Variants in MICU2 observed in about 807,000 individuals in gnomAD.
The protein encoded by MICU2 is mitochondrial calcium uptake 2.
A neutral mutation model predicts 60.4 loss-of-function variants in MICU2; 64 were observed. The observed-to-expected ratio is 1.06, with a 90% CI of 0.87 to 1.31. The LOEUF (loss-of-function observed/expected upper bound fraction) is 1.31, where lower values mean the gene tolerates loss of function less well. Among genes scored for constraint, MICU2 ranks in the 50% most tolerant of loss-of-function variants. The pLI is 0.00. For synonymous variants in MICU2, 201 were observed against 175.0 expected (o/e 1.15, Z -1.17); for missense variants, 569 against 531.0 (o/e 1.07, Z -0.70).
At chr13:21,565,104 C>A (rs1358809207) in intron 2 of MICU2, among the ~76,000 whole-genome samples, 2 of 152,160 alleles carry the variant, frequency 1.3e-5, no homozygotes, top group African/African-American at 4.8e-5. Flanking sequence ...CTGTTAGAGG[C>A]TAAACTACTT....
intron 1 of MICU2, among the ~76,000 whole-genome samples, chr13:21,574,118 A>C (rs1002482895): frequency 6.6e-6 from 1 of 152,212 alleles, no homozygotes; most frequent in Non-Finnish European, 1.5e-5. Flanking sequence ...TATGGAATGC[A>C]GTGGTGGAGA....
chr13:21,602,520 C>CA (rs141504099), intron 1 of MICU2, among the ~76,000 whole-genome samples: 29,191 of 150,924 alleles, frequency 0.19, 3,773 homozygotes, highest in African/African-American at 0.36. Context: ...AGACTCCTCT[C>CA]AAAAAAAACA....
intron 1 of MICU2, among the ~76,000 whole-genome samples, chr13:21,596,425 G>A (rs1313757383): frequency 2.1e-5 from 3 of 144,684 alleles, no homozygotes; most frequent in Non-Finnish European, 4.7e-5. Flanking sequence ...GCCACATTCA[G>A]GTTCTTTTTT....
chr13:21,602,318 C>G (rs1419999852), intron 1 of MICU2, among the ~76,000 whole-genome samples: 1 of 151,924 alleles, frequency 6.6e-6, no homozygotes, highest in African/African-American at 2.4e-5. Context: ...GTCAGGAGAT[C>G]GAGACCATCC....
chr13:21,510,286 T>C (rs1268375248), intron 7 of MICU2, among the ~76,000 whole-genome samples, 185 bp from the exon 8 acceptor site: 1 of 152,178 alleles, frequency 6.6e-6, no homozygotes, highest in Non-Finnish European at 1.5e-5. Flanking sequence ...TCCATAACCA[T>C]CGTTGTTCAA....
chr13:21,544,062 G>C (rs1887348604), intron 2 of MICU2, among the ~76,000 whole-genome samples: 1 of 152,128 alleles, frequency 6.6e-6, no homozygotes, highest in African/African-American at 2.4e-5. Context: ...AAGTTGAGGA[G>C]AGAACACTCT....
chr13:21,597,546 A>G (rs1888720360), intron 1 of MICU2, among the ~76,000 whole-genome samples: 1 of 152,212 alleles, frequency 6.6e-6, no homozygotes, highest in East Asian at 1.9e-4. Context: ...ACATTATGTG[A>G]CTGCGATTAT....
intron 1 of MICU2, among the ~76,000 whole-genome samples, chr13:21,583,182 G>T (rs1177387284): frequency 6.6e-6 from 1 of 152,154 alleles, no homozygotes; most frequent in East Asian, 1.9e-4. Context: ...TTGGGTCTAG[G>T]AGTTTGCCTT....
chr13:21,603,731 G>A, intron 1 of MICU2: 1 of 586,462 alleles, frequency 1.7e-6, no homozygotes, highest in Non-Finnish European at 3.0e-6. Context: ...AGAATCTCCG[G>A]TCACCAGCCT....
chr13:21,581,764 A>C (rs2761918), intron 1 of MICU2, among the ~76,000 whole-genome samples: 113,878 of 151,996 alleles, frequency 0.75, 44,801 homozygotes, highest in East Asian at 1. Flanking sequence ...AAAAGAGCTT[A>C]CCCAACATGA....
intron 2 of MICU2, among the ~76,000 whole-genome samples, chr13:21,553,909 C>A (rs1244165708): frequency 3.9e-5 from 6 of 152,142 alleles, no homozygotes; most frequent in Admixed American, 6.5e-5. Flanking sequence ...AGACTTTAAA[C>A]CAACAAAGAT....
intron 8 of MICU2, among the ~76,000 whole-genome samples, chr13:21,507,928 C>CTTTA (rs1191832367): frequency 6.6e-6 from 1 of 151,214 alleles, no homozygotes; most frequent in East Asian, 2.0e-4. Flanking sequence ...TTCTTTCTCT[C>CTTTA]TTTCTTTCTT....
intron 1 of MICU2, among the ~76,000 whole-genome samples, chr13:21,568,844 G>GTT (rs11370071): frequency 0.17 from 25,651 of 150,276 alleles, 2,839 homozygotes; most frequent in Non-Finnish European, 0.26. Flanking sequence ...AAGAAATTCT[G>GTT]TTTTTTTTTT....
chr13:21,594,003 AT>A (rs1757418537), intron 1 of MICU2, among the ~76,000 whole-genome samples: 2 of 152,338 alleles, frequency 1.3e-5, no homozygotes, highest in South Asian at 4.1e-4. Context: ...GCCAAAAGTA[AT>A]TGCAACAAAA....
At chr13:21,580,249 A>G (rs979334077) in intron 1 of MICU2, among the ~76,000 whole-genome samples, 4 of 152,220 alleles carry the variant, frequency 2.6e-5, no homozygotes, top group Admixed American at 6.5e-5. Context: ...CACCAAATAC[A>G]AAGTTCTCTG....
chr13:21,570,663 T>C (rs888777492), intron 1 of MICU2, among the ~76,000 whole-genome samples: 3 of 152,264 alleles, frequency 2.0e-5, no homozygotes, highest in Non-Finnish European at 2.9e-5. Context: ...GCATTTGGCC[T>C]GGTGCCTTAC....
intron 9 of MICU2, chr13:21,502,704 T>C: frequency 2.3e-6 from 1 of 441,496 alleles, no homozygotes; most frequent in Non-Finnish European, 4.0e-6. Flanking sequence ...ACTTGTCTTA[T>C]TCTTGACTTT....
intron 11 of MICU2, among the ~76,000 whole-genome samples, chr13:21,494,437 CAT>C (rs762743263): frequency 9.2e-5 from 14 of 152,298 alleles, no homozygotes; most frequent in Admixed American, 2.0e-4. Flanking sequence ...AGTATAGACT[CAT>C]ATGTGACTTT....
chr13:21,494,899 G>A (rs992882923), intron 11 of MICU2, among the ~76,000 whole-genome samples: 4 of 152,038 alleles, frequency 2.6e-5, no homozygotes, highest in Non-Finnish European at 5.9e-5. Flanking sequence ...GGCTTGCTCT[G>A]TTGCACAGTC....
Sources: gnomAD v4.1 joint callset for allele counts (sites outside exome capture counted in the v4.1 genomes callset) on GRCh38, gnomAD v4.1.1 for gene constraint, MANE v1.5 for transcripts, NCBI Gene and HGNC (gene_info 2026-07-23, HGNC 2026-07-21) for gene names.